Variants in TRAP1 observed in about 807,000 individuals in gnomAD.
TRAP1 encodes heat shock protein 75 kDa, mitochondrial.
In TRAP1, 102 loss-of-function variants were observed where a neutral mutation model predicts 89.1. That is an observed-to-expected ratio of 1.15 (90% CI 0.98 to 1.35). TRAP1 has a LOEUF of 1.35. TRAP1 is among the 40% of genes most tolerant of loss of function. The pLI, the probability that TRAP1 is intolerant of heterozygous loss-of-function variation, is 0.00. For synonymous variants in TRAP1, 508 were observed against 388.0 expected, an observed-to-expected ratio of 1.31 and a Z score of -3.64; for missense variants, 1,256 against 945.3, an observed-to-expected ratio of 1.33 and a Z score of -4.31.
chr16:3,699,553 G>A (rs1014529579), intron 1 of TRAP1, among the ~76,000 whole-genome samples: 1 of 149,216 alleles, frequency 6.7e-6, no homozygotes. Context: ...TTGAACCCAC[G>A]AGGCAGAGGT....
intron 16 of TRAP1, chr16:3,660,663 G>C (rs1354711310): frequency 2.0e-5 from 3 of 152,228 alleles, no homozygotes; most frequent in Non-Finnish European, 1.5e-5. Flanking sequence ...TTCCCCAGGA[G>C]TGCCATGGCT....
intron 8 of TRAP1, chr16:3,674,805 C>A (rs755638293): frequency 4.6e-6 from 2 of 431,194 alleles, no homozygotes; most frequent in African/African-American, 4.0e-5. Flanking sequence ...CAGTGTGGGC[C>A]GTGAGAGCGA....
chr16:3,661,951 T>C (rs371279217), intron 16 of TRAP1, 36 bp downstream of exon 16: 5 of 1,558,828 alleles, frequency 3.2e-6, no homozygotes, highest in African/African-American at 2.7e-5. Context: ...TTCTGGGGAA[T>C]CCCACAGGCT....
rs531544804 is a variant in TRAP1 at position 3,692,136 on chromosome 16, A to G, written c.89-1151T>C. On this transcript the variant is annotated intron_variant, in intron 1 of 17. Transcript: ENST00000246957. ...GCCAGCCACGCCGTGTCAAAGTCTA[A>G]GCCTAAATGAACCGCATCTAACTGG... 2.6e-5 allele frequency among the ~76,000 whole-genome samples: 4 copies of G among 152,350 alleles called. No individual in the cohort carries two copies. The East Asian group carries it at 7.7e-4, about 29-fold the overall frequency.
Position 3,689,119 on chromosome 16 carries a change from T to A in TRAP1, c.266A>T (p.Glu89Val), listed in dbSNP as rs750282364. ...ESVQGSTSKHEFQAETKKLLD... is the reference protein window; with the variant it reads ...ESVQGSTSKHVFQAETKKLLD... ...AAGCTTCTTTGTCTCGGCCTGGAAC[T>A]CATGTTTGGAAGTGGAACCTAGTAA... Residue 89 changes from glutamate to valine, a missense_variant, in exon 3 of 18, where the codon GAG becomes GTG. Glu to Val is a moderately radical substitution (Grantham distance 121). Coordinates refer to ENST00000246957, the MANE Select transcript of TRAP1 (RefSeq NM_016292.3). The A allele has an allele frequency of 9.9e-6, 16 of 1,613,526 alleles. No homozygotes were observed. The East Asian group carries it at 3.3e-4, about 34-fold the overall frequency.
chr16:3,679,839 C>T (rs758933180), intron 4 of TRAP1, 49 bp from the exon 5 acceptor site: 19 of 1,584,196 alleles, frequency 1.2e-5, no homozygotes, highest in Middle Eastern at 1.7e-4. Context: ...CCTGGGGAGC[C>T]GGGTGAGTGC....
At position 3,664,382 on chromosome 16, in the gene TRAP1, G is replaced by A. The variant is rs1395137695; in HGVS notation, c.1461C>T (p.Ala487=). 26 of 1,612,624 alleles carry A rather than the reference G, an allele frequency of 1.6e-5. 1 individual carries two copies. The highest frequency in any genetic ancestry group is 2.1e-5 in the Non-Finnish European group (25 of 1,179,592). Residue 487 remains alanine, a synonymous_variant, in exon 13 of 18, where the codon GCC becomes GCT. Coordinates refer to ENST00000246957, the MANE Select transcript of TRAP1 (RefSeq NM_016292.3). The part of the protein sequence containing the change: ...SGQLTSLSEY[A]SRMRAGTRNI... ...TGCGGGTGCCGGCCCGCATGCGGCT[G>A]GCGTATTCTGAGAGGCTGGTTAGCT...
chr16:3,685,889 G>A (rs1567235408), intron 4 of TRAP1, 107 bp downstream of exon 4: 2 of 1,336,642 alleles, frequency 1.5e-6, no homozygotes, highest in East Asian at 2.4e-5. Flanking sequence ...TATCCTGGTG[G>A]TACGGACGGC....
chr16:3,670,382 CAAAAAAAAAAAAA>C lies in TRAP1; in HGVS notation c.1235+1327_1235+1339del, dbSNP rs760902038. Among the ~76,000 whole-genome samples, 10 of 22,844 alleles carry C rather than the reference CAAAAAAAAAAAAA, an allele frequency of 4.4e-4. 1 individual carries two copies. The highest frequency in any genetic ancestry group is 3.2e-3 in the South Asian group (1 of 314). The allele number at this position is 22,844 out of a possible 152,430, so 15.0% of individuals were successfully genotyped here. On this transcript the variant is annotated intron_variant, in intron 11 of 17. Coordinates refer to ENST00000246957, the MANE Select transcript of TRAP1 (RefSeq NM_016292.3). ...TGGGCGACAGAGCAAGACTCCGTCTCAAAAAAAAAAAAAAAAAAAAAAAAAAAAATCTAAGTGG... is the reference window on the plus strand; with the variant it reads ...TGGGCGACAGAGCAAGACTCCGTCTCAAAAAAAAAAAAAAAATCTAAGTGG...
At chr16:3,659,137 A>G in intron 16 of TRAP1, 1 of 367,720 alleles carries the variant, frequency 2.7e-6, no homozygotes, top group Non-Finnish European at 4.9e-6. Context: ...TAGTACGTGA[A>G]GACATGCCTT....
At position 3,658,226 on chromosome 16, in the gene TRAP1, T is replaced by TATATCTGAAAGGCAAG. The variant is rs1222674354; in HGVS notation, c.2014-12_2017dup (p.Tyr673SerfsTer17). 1 of 1,613,198 alleles carries TATATCTGAAAGGCAAG rather than the reference T, an allele frequency of 6.2e-7. No individual in the cohort carries two copies. Among genetic ancestry groups the TATATCTGAAAGGCAAG allele is most frequent in the Admixed American group, 1.7e-5 (1 of 59,980 alleles). On this transcript the variant is annotated frameshift_variant, in exon 18 of 18. Coordinates refer to ENST00000246957, the MANE Select transcript of TRAP1 (RefSeq NM_016292.3). LOFTEE classifies it high-confidence loss of function. The stretch of plus-strand genomic sequence containing the variant: ...TCCAGCAGCAATCATGGCGTTCTCG[T>TATATCTGAAAGGCAAG]ATATCTGAAAGGCAAGAGGAGAAAC...
intron 5 of TRAP1, 88 bp downstream of exon 5, chr16:3,679,631 C>T: frequency 7.3e-7 from 1 of 1,365,812 alleles, no homozygotes. Context: ...AACGTTCTTA[C>T]TTAATCTGGC....
At chr16:3,714,420 G>T (rs1221992372) in intron 1 of TRAP1, among the ~76,000 whole-genome samples, 1 of 152,170 alleles carries the variant, frequency 6.6e-6, no homozygotes, top group Non-Finnish European at 1.5e-5. Context: ...CAGCATTTTG[G>T]GAGGCCAAGG....
chr16:3,703,210 C>CT (rs987377330), intron 1 of TRAP1, among the ~76,000 whole-genome samples: 3 of 151,220 alleles, frequency 2.0e-5, no homozygotes, highest in African/African-American at 4.9e-5. Context: ...AAAATCTTTC[C>CT]TTTTTTTTCT....
intron 3 of TRAP1, chr16:3,687,437 T>TA: frequency 6.6e-6 from 1 of 152,250 alleles, no homozygotes; most frequent in Admixed American, 6.6e-5. Flanking sequence ...AATACACTCC[T>TA]ACTCCACAAA....
intron 1 of TRAP1, among the ~76,000 whole-genome samples, chr16:3,708,072 G>A (rs1363828831): frequency 2.0e-5 from 3 of 152,042 alleles, no homozygotes; most frequent in East Asian, 1.9e-4. Flanking sequence ...TCCTTGGGAG[G>A]AAGAGGTCAC....
chr16:3,703,743 C>T (rs912186374), intron 1 of TRAP1, among the ~76,000 whole-genome samples: 5 of 151,944 alleles, frequency 3.3e-5, no homozygotes, highest in South Asian at 2.1e-4. Flanking sequence ...AGGCTGGGCG[C>T]GGTGGCTTAC....
At chr16:3,666,599 C>T (rs999977308) in intron 11 of TRAP1, among the ~76,000 whole-genome samples, 1 of 151,548 alleles carries the variant, frequency 6.6e-6, no homozygotes, top group African/African-American at 2.4e-5. Flanking sequence ...TCCTCAATGA[C>T]ATGAGAAAGT....
chr16:3,658,915 ACCCT>A, intron 16 of TRAP1, 50 bp from the exon 17 acceptor site: 4 of 1,578,164 alleles, frequency 2.5e-6, no homozygotes, highest in Non-Finnish European at 2.6e-6. Context: ...ACGTGCTGTG[ACCCT>A]CCCTTCATGT....
Sources: allele counts gnomAD v4.1 joint callset (sites outside exome capture counted in the v4.1 genomes callset), GRCh38; gene constraint gnomAD v4.1.1; transcripts MANE v1.5; gene names NCBI Gene and HGNC (gene_info 2026-07-23, HGNC 2026-07-21).